CBFA2T2: variants seen among roughly 807,000 people sequenced by gnomAD.
CBFA2T2 encodes the protein CBFA2/RUNX1 partner transcriptional co-repressor 2.
CBFA2T2 carries 11 observed loss-of-function variants against 62.2 expected under a neutral mutation model. That is an observed-to-expected ratio of 0.18 (90% CI 0.11 to 0.29). The LOEUF is 0.29. Among genes scored for constraint, CBFA2T2 ranks in the 10% least tolerant of loss-of-function variants. The pLI, the probability that CBFA2T2 is intolerant of heterozygous loss-of-function variation, is 1.00. For missense variants in CBFA2T2, 592 were observed against 774.1 expected (o/e 0.76, Z 2.79); for synonymous variants, 295 against 287.5 (o/e 1.03, Z -0.27).
intron 1 of CBFA2T2, among the ~76,000 whole-genome samples, chr20:33,501,636 T>TTTTA (rs1265394030): frequency 2.6e-5 from 3 of 117,114 alleles, no homozygotes; most frequent in Non-Finnish European, 3.5e-5. Context: ...CTTCCTTTTT[T>TTTTA]TTTTTTTTTT....
At position 33,529,644 on chromosome 20, in the gene CBFA2T2, T is replaced by C. The variant is rs572405349; in HGVS notation, c.34+39343T>C. ...TGTGCCACACCTCAGGAGGCTGAGA[T>C]GGGAGGATTGCTTGAGACCCTGTCT... On this transcript the variant is annotated intron_variant, in intron 1 of 10. Transcript: ENST00000342704. Among the ~76,000 whole-genome samples, 108 of 150,994 alleles carry C rather than the reference T, an allele frequency of 7.2e-4. 1 individual carries two copies. The highest frequency in any genetic ancestry group is 2.5e-3 in the African/African-American group (103 of 41,026).
At chr20:33,564,639 C>G (rs1163046532) in intron 1 of CBFA2T2, among the ~76,000 whole-genome samples, 1 of 152,006 alleles carries the variant, frequency 6.6e-6, no homozygotes, top group Admixed American at 6.6e-5. Context: ...CATGCAGAAG[C>G]ATGATCATGG....
intron 6 of CBFA2T2, among the ~76,000 whole-genome samples, chr20:33,626,927 C>T (rs2016254567): frequency 6.6e-6 from 1 of 152,138 alleles, no homozygotes; most frequent in African/African-American, 2.4e-5. Context: ...ATTGTTATCC[C>T]CTTTTTACAG....
rs372839830 is a variant in CBFA2T2, at chr20:33,615,347, T to C, written c.420+4012T>C. Among the ~76,000 whole-genome samples, 5 of 152,348 alleles carry C rather than the reference T, an allele frequency of 3.3e-5. No individual in the cohort carries two copies. The East Asian group carries it at 9.6e-4, about 29-fold the overall frequency. Reference sequence around the variant, plus strand: ...CACTTACTTATTATTATTTGGAGAATGTACTTTCTGGAGGATAGTTTGGCA... The same window carrying C: ...CACTTACTTATTATTATTTGGAGAACGTACTTTCTGGAGGATAGTTTGGCA... On this transcript the variant is annotated intron_variant, in intron 3 of 10. Transcript: ENST00000342704.
rs1407081664 is a variant in CBFA2T2, at chr20:33,644,597, G to A, written c.1739G>A (p.Arg580His). The A allele has an allele frequency of 3.7e-6, 6 of 1,612,470 alleles. No homozygotes were observed. The highest frequency in any genetic ancestry group is 1.7e-5 in the Admixed American group (1 of 59,964). The change falls in exon 11 of 11, where the codon CGT (arginine) becomes CAT (histidine). Residue 580 changes from arginine (R) to histidine (H), a missense_variant. Arg to His is a conservative substitution (Grantham distance 29). Around this residue, in one of 3 missense-constraint regions of CBFA2T2, gnomAD observed 85 missense variants for 99.0 expected, o/e 0.86. Transcript: ENST00000342704. ...GACAAGACCTCGGCAACCACATCGC[G>A]TTCCTCAACACCTGCTTCTGTGACA... ...ALDKTSATTS[R>H]SSTPASVTAI...
At chr20:33,511,135 T>A (rs1048165600) in intron 1 of CBFA2T2, among the ~76,000 whole-genome samples, 1 of 152,340 alleles carries the variant, frequency 6.6e-6, no homozygotes, top group Non-Finnish European at 1.5e-5. Context: ...AGCTCTTTAG[T>A]TTAATTAGAT....
chr20:33,555,952 A>G (rs1179955653), intron 1 of CBFA2T2, among the ~76,000 whole-genome samples: 1 of 151,932 alleles, frequency 6.6e-6, no homozygotes, highest in Non-Finnish European at 1.5e-5. Flanking sequence ...TGCAGCCTTG[A>G]CCTCCTGGAC....
At chr20:33,500,692 G>A (rs2011264466) in intron 1 of CBFA2T2, among the ~76,000 whole-genome samples, 1 of 152,090 alleles carries the variant, frequency 6.6e-6, no homozygotes, top group Admixed American at 6.6e-5. Context: ...CTGGGCGACA[G>A]AGCAAGACTC....
At chr20:33,626,714 T>C (rs2016245263) in intron 6 of CBFA2T2, among the ~76,000 whole-genome samples, 1 of 152,190 alleles carries the variant, frequency 6.6e-6, no homozygotes, top group Non-Finnish European at 1.5e-5. Context: ...TTGCCCTCAC[T>C]TCCTCTTACT....
At chr20:33,629,979 C>A in intron 8 of CBFA2T2, 65 bp downstream of exon 8, 1 of 1,395,338 alleles carries the variant, frequency 7.2e-7, no homozygotes, top group Non-Finnish European at 9.6e-7. Flanking sequence ...CAATCTGTCA[C>A]AGAAGGCGTT....
intron 1 of CBFA2T2, among the ~76,000 whole-genome samples, chr20:33,575,036 T>C (rs989456960): frequency 5.9e-5 from 9 of 152,244 alleles, no homozygotes; most frequent in African/African-American, 2.2e-4. Context: ...ATTTCTAAAA[T>C]ATTTCTAGCA....
intron 1 of CBFA2T2, among the ~76,000 whole-genome samples, chr20:33,509,505 G>A (rs1445191050): frequency 4.0e-5 from 6 of 151,886 alleles, no homozygotes; most frequent in South Asian, 2.1e-4. Context: ...ATAATCTGTC[G>A]GTAACAGATG....
At position 33,624,886 on chromosome 20, in the gene CBFA2T2, G is replaced by C; in HGVS notation, c.815G>C (p.Gly272Ala). ...PALTVPLMNP[G>A]GQFHPTPPPL... ...CTCACTGTGCCCCTCATGAATCCCG[G>C]GGGCCAATTCCATCCTACCCCTCCA... Residue 272 changes from glycine (G) to alanine (A), a missense_variant, in exon 6 of 11, where the codon GGG (glycine) becomes GCG (alanine). Gly to Ala is a moderately conservative substitution (Grantham distance 60). Coordinates refer to ENST00000342704, the MANE Select transcript of CBFA2T2 (RefSeq NM_001032999.3). The C allele has an allele frequency of 6.2e-7, 1 of 1,614,010 alleles. No homozygotes were observed. Among genetic ancestry groups the C allele is most frequent in the Non-Finnish European group, 8.5e-7 (1 of 1,179,992 alleles).
Position 33,544,704 on chromosome 20 carries a change from G to A in CBFA2T2, c.34+54403G>A, listed in dbSNP as rs1236196650. Among the ~76,000 whole-genome samples the A allele has an allele frequency of 5.3e-5, 8 of 151,758 alleles. No individual in the cohort carries two copies. In the South Asian group the frequency reaches 8.3e-4, roughly 16 times the overall value. ...TGGGATTACAGGCACCTGCCGCCAC[G>A]CCTGTCTAATTTTTGTATTTTTAGT... On this transcript the variant is annotated intron_variant, in intron 1 of 10. Coordinates refer to ENST00000342704, the MANE Select transcript of CBFA2T2 (RefSeq NM_001032999.3).
At chr20:33,495,216 G>A (rs1394083814) in intron 1 of CBFA2T2, among the ~76,000 whole-genome samples, 1 of 151,452 alleles carries the variant, frequency 6.6e-6, no homozygotes, top group Non-Finnish European at 1.5e-5. Context: ...TGGCCAACAT[G>A]GTGAAACCCC....
intron 1 of CBFA2T2, among the ~76,000 whole-genome samples, chr20:33,556,111 C>T (rs1160899587): frequency 2.0e-5 from 3 of 152,372 alleles, no homozygotes; most frequent in East Asian, 3.9e-4. Context: ...AAGTAAGCCA[C>T]CTTCCTTGGC....
At position 33,644,294 on chromosome 20, in the gene CBFA2T2, GC is replaced by G. The variant is rs903359883; in HGVS notation, c.1489-52del. 17 of 1,567,990 alleles carry G rather than the reference GC, an allele frequency of 1.1e-5. No homozygotes were observed. The African/African-American group carries it at 1.7e-4, about 16-fold the overall frequency. On this transcript the variant is annotated intron_variant, in intron 10 of 10. Transcript: ENST00000342704. ...TGCTTTACTGTGCAGGGAATGAATGGCAAGCCTGCCCCTCAATCCCAGCAAC... is the reference window on the plus strand; with the variant it reads ...TGCTTTACTGTGCAGGGAATGAATGGAAGCCTGCCCCTCAATCCCAGCAAC...
intron 1 of CBFA2T2, among the ~76,000 whole-genome samples, chr20:33,534,078 C>G (rs1051272753): frequency 6.6e-6 from 1 of 152,156 alleles, no homozygotes; most frequent in Non-Finnish European, 1.5e-5. Flanking sequence ...ATACTCCTGC[C>G]TTGGCCTCCC....
intron 2 of CBFA2T2, among the ~76,000 whole-genome samples, chr20:33,610,336 C>G (rs1468352831): frequency 6.6e-6 from 1 of 152,020 alleles, no homozygotes; most frequent in East Asian, 1.9e-4. Context: ...AACCATAGCT[C>G]TAGGGTTGTT....
Sources: gnomAD v4.1 joint callset for allele counts (sites outside exome capture counted in the v4.1 genomes callset) on GRCh38, gnomAD v4.1.1 for gene constraint, gnomAD v4.1.1 regional missense constraint, MANE v1.5 for transcripts, NCBI Gene and HGNC (gene_info 2026-07-23, HGNC 2026-07-21) for gene names.